Variants in CPED1 observed in about 807,000 individuals in gnomAD.
CPED1 encodes the protein cadherin-like and PC-esterase domain-containing protein 1.
In CPED1, 114 loss-of-function variants were observed where a neutral mutation model predicts 128.2. That is an observed-to-expected ratio of 0.89 (90% CI 0.76 to 1.04). CPED1 has a LOEUF of 1.04. Among genes scored for constraint, CPED1 ranks in the 50% least tolerant of loss-of-function variants. The probability of loss-of-function intolerance (pLI) is 0.00; values close to 1 mark genes in which losing one functional copy is unlikely to be tolerated. For synonymous variants in CPED1, 462 were observed against 426.7 expected, an observed-to-expected ratio of 1.08 and a Z score of -1.02; for missense variants, 1,211 against 1,207.1, an observed-to-expected ratio of 1.00 and a Z score of -0.05.
At chr7:121,166,761 G>A (rs1347079669) in intron 16 of CPED1, among the ~76,000 whole-genome samples, 1 of 152,012 alleles carries the variant, frequency 6.6e-6, no homozygotes, top group Non-Finnish European at 1.5e-5. Context: ...ATATACAGTA[G>A]GCTATGGCAT....
chr7:121,139,645 G>A (rs1023340814), intron 14 of CPED1, among the ~76,000 whole-genome samples: 46 of 152,006 alleles, frequency 3.0e-4, no homozygotes, highest in African/African-American at 1.1e-3. Context: ...TGCCTTATTG[G>A]GAGCTTGGAC....
chr7:121,141,909 T>C, intron 15 of CPED1, 64 bp from the exon 16 acceptor site: 1 of 1,288,500 alleles, frequency 7.8e-7, no homozygotes, highest in Non-Finnish European at 1.1e-6. Flanking sequence ...GATATATGAA[T>C]CAGTTTGGGC....
intron 4 of CPED1, among the ~76,000 whole-genome samples, chr7:121,047,518 G>A (rs1472863229): frequency 6.6e-6 from 1 of 151,878 alleles, no homozygotes; most frequent in African/African-American, 2.4e-5. Flanking sequence ...TTTACATATT[G>A]TTGATACCTA....
intron 14 of CPED1, among the ~76,000 whole-genome samples, chr7:121,137,282 C>T (rs1055976379): frequency 6.6e-6 from 1 of 152,000 alleles, no homozygotes; most frequent in African/African-American, 2.4e-5. Context: ...AGCAATCCTC[C>T]TCCTTCATCC....
chr7:121,211,916 G>A (rs1797653611), intron 16 of CPED1, among the ~76,000 whole-genome samples: 2 of 151,938 alleles, frequency 1.3e-5, no homozygotes, highest in African/African-American at 2.4e-5. Context: ...AAAACCAGGA[G>A]GAATTTAAGA....
chr7:121,082,294 T>C (rs1018358143), intron 5 of CPED1, among the ~76,000 whole-genome samples: 1 of 152,208 alleles, frequency 6.6e-6, no homozygotes, highest in African/African-American at 2.4e-5. Flanking sequence ...TCTATATTAC[T>C]CTGGATATCC....
intron 5 of CPED1, among the ~76,000 whole-genome samples, chr7:121,085,109 T>C (rs112315502): frequency 6.2e-4 from 95 of 152,332 alleles, no homozygotes; most frequent in African/African-American, 2.0e-3. Context: ...GAGTCCCCCA[T>C]GGCCATCTGC....
At chr7:121,039,695 A>C (rs1466514991) in intron 3 of CPED1, among the ~76,000 whole-genome samples, 1 of 152,088 alleles carries the variant, frequency 6.6e-6, no homozygotes, top group African/African-American at 2.4e-5. Flanking sequence ...ACTTCAAAAG[A>C]AAATGACATA....
chr7:120,997,520 C>A (rs566953188), intron 2 of CPED1, among the ~76,000 whole-genome samples: 40 of 152,300 alleles, frequency 2.6e-4, no homozygotes, highest in African/African-American at 9.1e-4. Context: ...AACTCCAGTA[C>A]CTCAGAATGT....
intron 16 of CPED1, among the ~76,000 whole-genome samples, chr7:121,183,446 G>A (rs1796939258): frequency 6.6e-6 from 1 of 152,090 alleles, no homozygotes; most frequent in African/African-American, 2.4e-5. Flanking sequence ...AAGAGAGGAG[G>A]ACAGTATATG....
chr7:121,277,328 T>G (rs1792349175), intron 22 of CPED1, among the ~76,000 whole-genome samples: 1 of 151,994 alleles, frequency 6.6e-6, no homozygotes, highest in Non-Finnish European at 1.5e-5. Flanking sequence ...CAGGTGGAGA[T>G]CTCCAATGGG....
chr7:121,062,484 C>T (rs942449624), intron 4 of CPED1, among the ~76,000 whole-genome samples: 3 of 152,308 alleles, frequency 2.0e-5, no homozygotes, highest in South Asian at 4.1e-4. Context: ...TGTTTGTTCC[C>T]TCCAGCCCTT....
intron 12 of CPED1, 54 bp from the exon 13 acceptor site, chr7:121,133,769 C>T: frequency 2.5e-6 from 3 of 1,178,046 alleles, no homozygotes; most frequent in Non-Finnish European, 3.7e-6. Context: ...GATGTAATTT[C>T]CACGCGTTTT....
chr7:121,047,315 T>G (rs979890002), intron 4 of CPED1, among the ~76,000 whole-genome samples: 1 of 152,258 alleles, frequency 6.6e-6, no homozygotes, highest in African/African-American at 2.4e-5. Context: ...ATTTTTTAGA[T>G]GCCTTTTCTA....
rs541362412 is a variant in CPED1 at position 121,155,093 on chromosome 7, A to G, written c.2055+12952A>G. ...GCCAACAGCAAACAACCTGAAAAAG[A>G]AATCAAGGAGGCAACCCCATTTATA... is the stretch of plus-strand genomic sequence containing the variant. On this transcript the variant is annotated intron_variant, in intron 16 of 22. Transcript: ENST00000310396. 9.8e-5 allele frequency among the ~76,000 whole-genome samples: 15 copies of G among 152,300 alleles called. 1 individual carries two copies. Among genetic ancestry groups the G allele is most frequent in the African/African-American group, 3.4e-4 (14 of 41,568 alleles).
At chr7:121,151,137 T>G (rs1482844242) in intron 16 of CPED1, among the ~76,000 whole-genome samples, 5 of 152,154 alleles carry the variant, frequency 3.3e-5, no homozygotes, top group Non-Finnish European at 1.5e-5. Context: ...TTAAAGCAAA[T>G]GATTCCTCTG....
intron 9 of CPED1, among the ~76,000 whole-genome samples, chr7:121,126,291 A>G (rs1184665860): frequency 6.6e-6 from 1 of 152,084 alleles, no homozygotes; most frequent in Non-Finnish European, 1.5e-5. Context: ...AAATTGGTTT[A>G]TATTTAGTTT....
At chr7:121,072,840 G>A (rs1030126544) in intron 5 of CPED1, among the ~76,000 whole-genome samples, 3 of 152,136 alleles carry the variant, frequency 2.0e-5, no homozygotes, top group African/African-American at 7.2e-5. Flanking sequence ...CATTTCATAC[G>A]AAAAATTTAA....
chr7:121,059,721 G>T (rs1226218402), intron 4 of CPED1, among the ~76,000 whole-genome samples: 1 of 152,170 alleles, frequency 6.6e-6, no homozygotes, highest in African/African-American at 2.4e-5. Context: ...TGTCTCAAAA[G>T]AATATTTTAC....
Sources: allele counts gnomAD v4.1 joint callset (sites outside exome capture counted in the v4.1 genomes callset), GRCh38; gene constraint gnomAD v4.1.1; transcripts MANE v1.5; gene names NCBI Gene and HGNC (gene_info 2026-07-23, HGNC 2026-07-21).